PRR5L: variants seen among roughly 807,000 people sequenced by gnomAD.
PRR5L encodes proline-rich protein 5-like.
In PRR5L, 21 loss-of-function variants were observed where a neutral mutation model predicts 36.4. That is an observed-to-expected ratio of 0.58 (90% confidence interval 0.41 to 0.83). PRR5L has a LOEUF of 0.83. Ranked by LOEUF, PRR5L falls within the 40% of genes least tolerant of loss-of-function variation. The pLI is 0.00. For synonymous variants in PRR5L, 188 were observed against 197.0 expected, an observed-to-expected ratio of 0.95 and a Z score of 0.38; for missense variants, 381 against 473.3, an observed-to-expected ratio of 0.80 and a Z score of 1.81.
In PRR5L at chr11:36,401,132, G is replaced by A. The variant is rs762386719; in HGVS notation, c.11G>A (p.Gly4Asp). Residue 4 changes from glycine to aspartate, a missense_variant, in exon 2 of 9, where the codon GGC (glycine) becomes GAC (aspartate). Gly to Asp is a moderately conservative substitution (Grantham distance 94). Coordinates refer to ENST00000530639, the MANE Select transcript of PRR5L (RefSeq NM_001160167.2). MTR[G>D]FAPILPVEFH... Reference sequence around the variant, plus strand: ...CTGTCACCAGGACTTATGACCCGCGGCTTCGCTCCCATTCTGCCCGTCGAG... The same window carrying A: ...CTGTCACCAGGACTTATGACCCGCGACTTCGCTCCCATTCTGCCCGTCGAG... The A allele has an allele frequency of 1.2e-6, 2 of 1,614,170 alleles. No homozygotes were observed. The highest frequency in any genetic ancestry group is 1.7e-6 in the Non-Finnish European group (2 of 1,180,010).
chr11:36,396,149 C>T (rs1740337486), intron 1 of PRR5L: 8 of 152,198 alleles, frequency 5.3e-5, no homozygotes, highest in Admixed American at 5.2e-4. Flanking sequence ...GCAGGCTCAA[C>T]AGTGAGCCAG....
chr11:36,403,332 G>C lies in PRR5L; in HGVS notation c.199G>C (p.Gly67Arg). The change falls in exon 3 of 9, where the codon GGT becomes CGT. Residue 67 changes from glycine to arginine, a missense_variant. Physicochemically the swap from Gly to Arg is moderately radical, Grantham distance 125 (BLOSUM62 -2). Transcript: ENST00000530639. ...QTAVINVFKG[G>R]GLQSNELYAL... ...TGCTGTGATCAACGTTTTCAAAGGG[G>C]GTGGCTTGCAAAGCAACGAGCTCTA... 1 of 1,614,148 alleles carries C rather than the reference G, an allele frequency of 6.2e-7. No individual in the cohort carries two copies. Among genetic ancestry groups the C allele is most frequent in the East Asian group, 2.2e-5 (1 of 44,874 alleles).
At chr11:36,414,697 G>T (rs1009522706) in intron 3 of PRR5L, among the ~76,000 whole-genome samples, 7 of 147,286 alleles carry the variant, frequency 4.8e-5, no homozygotes, top group African/African-American at 1.8e-4. Context: ...CTTTTGCTGT[G>T]CAGAAGCTGT....
intron 1 of PRR5L, among the ~76,000 whole-genome samples, chr11:36,298,921 C>T (rs1305802350): frequency 3.3e-5 from 5 of 152,180 alleles, no homozygotes. Context: ...CTTATAAGGA[C>T]AGCAGTCAGA....
chr11:36,451,131 C>A, intron 7 of PRR5L, 78 bp from the exon 8 acceptor site: 2 of 1,545,582 alleles, frequency 1.3e-6, no homozygotes, highest in Non-Finnish European at 1.8e-6. Context: ...GGAGGACAAT[C>A]AGGATTTGTT....
Position 36,400,454 on chromosome 11 carries a change from CAGTG to C in PRR5L, c.-125-538_-125-535del, listed in dbSNP as rs138327500. Among the ~76,000 whole-genome samples, 1,172 of 152,308 alleles carry C rather than the reference CAGTG, an allele frequency of 7.7e-3. 27 individuals are homozygous for C. The highest frequency in any genetic ancestry group is 0.042 in the Admixed American group (635 of 15,298). On this transcript the variant is annotated intron_variant, in intron 1 of 8. Transcript: ENST00000530639. ...CAGTGGTTAATAAATAGCAAACACT[CAGTG>C]AGTGTGTCCTGATGAAATGAGTGAA... is the stretch of plus-strand genomic sequence containing the variant.
At chr11:36,414,123 T>G (rs1382268505) in intron 3 of PRR5L, among the ~76,000 whole-genome samples, 1 of 151,246 alleles carries the variant, frequency 6.6e-6, no homozygotes. Flanking sequence ...TTGTTGGACA[T>G]TTGGGTTGGT....
chr11:36,393,409 C>G (rs925456077), intron 1 of PRR5L, among the ~76,000 whole-genome samples: 1 of 152,142 alleles, frequency 6.6e-6, no homozygotes, highest in Admixed American at 6.5e-5. Context: ...ATCCAGTTTT[C>G]CCAGCACCAT....
rs146314054 is a variant in PRR5L at position 36,451,298 on chromosome 11, C to T, written c.675C>T (p.Ser225=). ...TGGTTTCTCCTTTCCTCGGCATCAG[C>T]GGGGACCGTAGCTTCTCAGGCCCCA... ...KQVVSPFLGI[S]GDRSFSGPTY... Residue 225 remains serine, a synonymous_variant, in exon 8 of 9, where the codon AGC becomes AGT. Coordinates refer to ENST00000530639, the MANE Select transcript of PRR5L (RefSeq NM_001160167.2). 164 of 1,614,174 alleles carry T rather than the reference C, an allele frequency of 1.0e-4. 1 individual carries two copies. The highest frequency in any genetic ancestry group is 9.5e-4 in the African/African-American group (71 of 75,032).
chr11:36,403,479 TC>T (rs960397244), intron 3 of PRR5L, 101 bp downstream of exon 3: 108 of 771,462 alleles, frequency 1.4e-4, no homozygotes, highest in Non-Finnish European at 2.0e-4. Context: ...TTTTTTTTTT[TC>T]CTGCTTGATT....
intron 1 of PRR5L, among the ~76,000 whole-genome samples, chr11:36,366,227 A>G (rs1005062058): frequency 2.0e-5 from 3 of 152,192 alleles, no homozygotes; most frequent in Non-Finnish European, 4.4e-5. Flanking sequence ...CTTCATCTAT[A>G]AAATGGGGAT....
At chr11:36,356,854 T>C (rs190097539) in intron 1 of PRR5L, among the ~76,000 whole-genome samples, 1 of 152,282 alleles carries the variant, frequency 6.6e-6, no homozygotes, top group East Asian at 1.9e-4. Context: ...AATTAGCCAA[T>C]TAATAATGCC....
rs536247233 is a variant in PRR5L, at chr11:36,431,492, T to A, written c.295-361T>A. On this transcript the variant is annotated intron_variant, in intron 4 of 8. Transcript: ENST00000530639. ...AAAAAAATATGTTATTTCTGCATAG[T>A]TTCCCATTGCCTCAATGCTTCCTTT... Among the ~76,000 whole-genome samples, 134 of 152,144 alleles carry A rather than the reference T, an allele frequency of 8.8e-4. 1 individual carries two copies. Among genetic ancestry groups the A allele is most frequent in the Non-Finnish European group, 1.2e-3 (79 of 68,024 alleles).
intron 4 of PRR5L, among the ~76,000 whole-genome samples, chr11:36,424,307 C>T (rs186341942): frequency 1.8e-3 from 271 of 152,254 alleles, no homozygotes; most frequent in Non-Finnish European, 3.3e-3. Flanking sequence ...TTTTATAATC[C>T]TTTCAAGCTC....
intron 1 of PRR5L, among the ~76,000 whole-genome samples, chr11:36,315,993 C>A (rs749721500): frequency 6.6e-6 from 1 of 152,152 alleles, no homozygotes; most frequent in Non-Finnish European, 1.5e-5. Flanking sequence ...GGAGATGGAG[C>A]CTGGGTGACC....
intron 1 of PRR5L, among the ~76,000 whole-genome samples, chr11:36,385,325 T>G (rs1210506787): frequency 6.6e-6 from 1 of 152,230 alleles, no homozygotes; most frequent in African/African-American, 2.4e-5. Flanking sequence ...AAAGTAGGCT[T>G]ATAGATGAGT....
At chr11:36,399,525 C>G (rs1857745085) in intron 1 of PRR5L, among the ~76,000 whole-genome samples, 1 of 152,180 alleles carries the variant, frequency 6.6e-6, no homozygotes, top group African/African-American at 2.4e-5. Context: ...CAAGTGCTAA[C>G]CAGCTGGAGC....
rs143136907 is a variant in PRR5L, at chr11:36,385,500, C to T, written c.-125-15497C>T. On this transcript the variant is annotated intron_variant, in intron 1 of 8. Coordinates refer to ENST00000530639, the MANE Select transcript of PRR5L (RefSeq NM_001160167.2). Reference sequence around the variant, plus strand: ...GTCAGCTTTCTGAATCCTGTGGACACTTAGTGAACACCGTTAAGCAGAGAT... The same window carrying T: ...GTCAGCTTTCTGAATCCTGTGGACATTTAGTGAACACCGTTAAGCAGAGAT... Among the ~76,000 whole-genome samples, 114 of 152,342 alleles carry T rather than the reference C, an allele frequency of 7.5e-4. No homozygotes were observed. The Middle Eastern group carries it at 0.01, about 14-fold the overall frequency.
chr11:36,401,654 A>C (rs1857800553), intron 2 of PRR5L, among the ~76,000 whole-genome samples: 2 of 151,312 alleles, frequency 1.3e-5, no homozygotes, highest in Admixed American at 6.6e-5. Flanking sequence ...CTGGCCTTGA[A>C]CTCCTGGCCT....
Sources: allele counts gnomAD v4.1 joint callset (sites outside exome capture counted in the v4.1 genomes callset), GRCh38; gene constraint gnomAD v4.1.1; transcripts MANE v1.5; gene names NCBI Gene and HGNC (gene_info 2026-07-23, HGNC 2026-07-21).